ZC4H2: variants seen among roughly 807,000 people sequenced by gnomAD.
The protein encoded by ZC4H2 is zinc finger C4H2-type containing.
For synonymous variants in ZC4H2, 84 were observed against 66.3 expected (o/e 1.27, Z -1.30); for missense variants, 137 against 173.9 (o/e 0.79, Z 1.19).
Position 64,917,507 on chromosome X carries a change from T to C in ZC4H2, c.*276A>G. On this transcript the variant is annotated 3_prime_UTR_variant, in exon 5 of 5. Transcript: ENST00000374839. The stretch of plus-strand genomic sequence containing the variant: ...AGAATCATATCTGAGCCTTTTGCCC[T>C]TCCCTTAGCTCCAAACAAGGGCAGG... 3.5e-6 allele frequency: 1 copy of C among 287,768 alleles called. No homozygotes were observed. The highest frequency in any genetic ancestry group is 6.1e-6 in the Non-Finnish European group (1 of 163,715). The allele number at this position is 287,768 out of a possible 1,213,427, so 23.7% of individuals were successfully genotyped here.
chrX:65,031,826 A>T (rs1173074441), intron 1 of ZC4H2, among the ~76,000 whole-genome samples: 1 of 112,346 alleles, frequency 8.9e-6, no homozygotes, highest in African/African-American at 3.2e-5. Context: ...GACTAGAGGT[A>T]TCTTTAGGGA....
At chrX:64,925,011 A>G (rs1410437453) in intron 1 of ZC4H2, among the ~76,000 whole-genome samples, 2 of 111,483 alleles carry the variant, frequency 1.8e-5, no homozygotes, top group African/African-American at 6.5e-5. Context: ...TAATAATAGC[A>G]TCTACTTTAC....
intron 1 of ZC4H2, among the ~76,000 whole-genome samples, chrX:64,925,910 G>C (rs1211402863): frequency 1.8e-5 from 2 of 112,063 alleles, no homozygotes; most frequent in African/African-American, 3.2e-5. Context: ...CAAGGTCTTT[G>C]GGAGCCTTTG....
chrX:65,011,576 G>T (rs886878650), intron 1 of ZC4H2, among the ~76,000 whole-genome samples: 5 of 111,862 alleles, frequency 4.5e-5, no homozygotes, highest in Admixed American at 9.5e-5. Context: ...CAACCCCATA[G>T]ATCTGGGACA....
At chrX:65,015,981 C>A (rs1932794675) in intron 1 of ZC4H2, among the ~76,000 whole-genome samples, 1 of 111,250 alleles carries the variant, frequency 9.0e-6, no homozygotes, top group Admixed American at 9.6e-5. Flanking sequence ...TACCCCAATC[C>A]ATAAAGATAT....
intron 1 of ZC4H2, among the ~76,000 whole-genome samples, chrX:64,923,231 T>A (rs189347022): frequency 1.0e-3 from 114 of 111,990 alleles, no homozygotes; most frequent in Admixed American, 5.9e-3. Flanking sequence ...TGGATGTGAC[T>A]AAATAAGAAA....
chrX:64,994,468 T>C (rs941502802), intron 1 of ZC4H2, among the ~76,000 whole-genome samples: 17 of 112,098 alleles, frequency 1.5e-4, no homozygotes, highest in Non-Finnish European at 3.2e-4. Flanking sequence ...CAAATTAGGA[T>C]ATTCTTAGGG....
chrX:65,025,026 T>C (rs371624456), intron 1 of ZC4H2, among the ~76,000 whole-genome samples: 1 of 110,024 alleles, frequency 9.1e-6, no homozygotes, highest in Admixed American at 9.8e-5. Context: ...GAAAACAAAA[T>C]AAAATAAAAT....
At chrX:64,989,966 G>T (rs1219772041) in intron 1 of ZC4H2, among the ~76,000 whole-genome samples, 1 of 112,020 alleles carries the variant, frequency 8.9e-6, no homozygotes, top group Non-Finnish European at 1.9e-5. Flanking sequence ...ACAATGGTTT[G>T]TCAGTTTTGT....
At chrX:64,992,360 G>A (rs1057006133) in intron 1 of ZC4H2, among the ~76,000 whole-genome samples, 1 of 111,361 alleles carries the variant, frequency 9.0e-6, no homozygotes, top group Non-Finnish European at 1.9e-5. Context: ...CTACACGTCT[G>A]CTAAGATTGT....
chrX:65,012,913 CT>C (rs1311566952), intron 1 of ZC4H2, among the ~76,000 whole-genome samples: 1 of 111,468 alleles, frequency 9.0e-6, no homozygotes, highest in Non-Finnish European at 1.9e-5. Flanking sequence ...GTTTTTGTCT[CT>C]TTTTATTGGG....
intron 1 of ZC4H2, among the ~76,000 whole-genome samples, chrX:64,935,435 G>A (rs944646658): frequency 2.7e-5 from 3 of 112,232 alleles, no homozygotes; most frequent in Non-Finnish European, 5.6e-5. Context: ...CAGCTCTGAA[G>A]AGAGCAGTGG....
intron 1 of ZC4H2, among the ~76,000 whole-genome samples, chrX:64,992,849 A>T (rs1932336365): frequency 9.0e-6 from 1 of 111,648 alleles, no homozygotes; most frequent in Admixed American, 9.5e-5. Context: ...CTGGATGCAG[A>T]CTGTGTCCTG....
At chrX:64,952,795 C>G (rs948948441) in intron 1 of ZC4H2, among the ~76,000 whole-genome samples, 1 of 110,168 alleles carries the variant, frequency 9.1e-6, no homozygotes, top group Non-Finnish European at 1.9e-5. Context: ...CAATGACTTT[C>G]TTCACAGAAT....
In ZC4H2 at chrX:64,938,452, G is replaced by A. The variant is rs148858872; in HGVS notation, c.54-16464C>T. The stretch of plus-strand genomic sequence containing the variant: ...TTGTTTTATGAGGCCACCATCATCC[G>A]GGTACCAAAACCTGGCAGAGACACA... On this transcript the variant is annotated intron_variant, in intron 1 of 4. Coordinates refer to ENST00000374839, the MANE Select transcript of ZC4H2 (RefSeq NM_018684.4). Among the ~76,000 whole-genome samples the A allele has an allele frequency of 3.3e-3, 365 of 111,481 alleles. 1 individual carries two copies. Among genetic ancestry groups the A allele is most frequent in the African/African-American group, 0.011 (350 of 30,665 alleles).
chrX:65,001,268 T>C (rs1025508783), intron 1 of ZC4H2, among the ~76,000 whole-genome samples: 1 of 111,872 alleles, frequency 8.9e-6, no homozygotes, highest in Admixed American at 9.5e-5. Context: ...CAGAAGATTG[T>C]AGGGTTATTG....
chrX:64,999,034 T>A (rs1172788043), intron 1 of ZC4H2, among the ~76,000 whole-genome samples: 2 of 93,369 alleles, frequency 2.1e-5, no homozygotes, highest in African/African-American at 8.1e-5. Context: ...ACAGTTGGAT[T>A]ATGTGTTTTT....
chrX:64,934,953 A>T (rs1929929508), intron 1 of ZC4H2, among the ~76,000 whole-genome samples: 1 of 105,642 alleles, frequency 9.5e-6, no homozygotes, highest in Non-Finnish European at 2.0e-5. Flanking sequence ...TTTTTCCCCC[A>T]TACCTTAAGG....
chrX:64,994,264 G>A (rs1932366127), intron 1 of ZC4H2, among the ~76,000 whole-genome samples: 3 of 110,966 alleles, frequency 2.7e-5, no homozygotes, highest in Admixed American at 9.6e-5. Context: ...TTTTTAAAGC[G>A]GCAGAAACAG....
Sources: gnomAD v4.1 joint callset for allele counts (sites outside exome capture counted in the v4.1 genomes callset) on GRCh38, gnomAD v4.1.1 for gene constraint, MANE v1.5 for transcripts, NCBI Gene and HGNC (gene_info 2026-07-23, HGNC 2026-07-21) for gene names.